TARS3: variants seen among roughly 807,000 people sequenced by gnomAD.
The protein encoded by TARS3 is threonyl-tRNA synthetase 3, also known as threonine--tRNA ligase 2, cytoplasmic.
A neutral mutation model predicts 103.5 loss-of-function variants in TARS3; 94 were observed. The ratio of observed to expected loss-of-function variants is 0.91; its 90% CI spans 0.77 to 1.08. The LOEUF is 1.08. TARS3 is among the 50% of genes least tolerant of loss of function. The pLI is 0.00. For missense variants in TARS3, 952 were observed against 995.2 expected, an observed-to-expected ratio of 0.96 and a Z score of 0.58; for synonymous variants, 416 against 355.4, an observed-to-expected ratio of 1.17 and a Z score of -1.92.
At chr15:101,678,430 T>C (rs1428059678) in intron 12 of TARS3, among the ~76,000 whole-genome samples, 3 of 152,228 alleles carry the variant, frequency 2.0e-5, no homozygotes, top group Admixed American at 6.5e-5. Context: ...TGTCTTCCTA[T>C]GGATTACTTT....
chr15:101,671,483 C>T lies in TARS3; in HGVS notation c.1967+3G>A, dbSNP rs1167610410. ...ATAATATTTATCACATTCAATCACT[C>T]ACCTAACATATGTGAGATTAAATCT... On this transcript the variant is annotated splice_donor_region_variant and intron_variant, in intron 15 of 18. Transcript: ENST00000335968. The T allele has an allele frequency of 2.5e-6, 4 of 1,592,718 alleles. No homozygotes were observed. The highest frequency in any genetic ancestry group is 2.6e-6 in the Non-Finnish European group (3 of 1,162,752).
intron 3 of TARS3, among the ~76,000 whole-genome samples, chr15:101,717,530 C>T (rs1215714438): frequency 6.6e-6 from 1 of 152,182 alleles, no homozygotes; most frequent in Non-Finnish European, 1.5e-5. Context: ...GGCCATGTGG[C>T]CAGGTTTGGA....
At chr15:101,694,219 G>A (rs552242408) in intron 10 of TARS3, among the ~76,000 whole-genome samples, 56 of 152,272 alleles carry the variant, frequency 3.7e-4, no homozygotes, top group Non-Finnish European at 7.8e-4. Context: ...CATTTTACCT[G>A]AGTCAAAAAC....
intron 10 of TARS3, among the ~76,000 whole-genome samples, chr15:101,690,217 TTTCC>T (rs1170513482): frequency 2.0e-5 from 3 of 152,216 alleles, no homozygotes; most frequent in Non-Finnish European, 2.9e-5. Flanking sequence ...CTTGGCCCAT[TTTCC>T]TTCCTTCTCT....
At position 101,685,961 on chromosome 15, in the gene TARS3, G is replaced by T. The variant is rs1898456525; in HGVS notation, c.1422C>A (p.Asn474Lys). The T allele has an allele frequency of 1.9e-6, 3 of 1,613,964 alleles. No individual in the cohort carries two copies. In the Admixed American group the frequency reaches 5.0e-5, roughly 27 times the overall value. Reference sequence around the variant, plus strand: ...CCTTTTCAATCTCAAAGGTAAACATGTTCTCGCTGTAATGCTGCCAGTGGC... The same window carrying T: ...CCTTTTCAATCTCAAAGGTAAACATTTTCTCGCTGTAATGCTGCCAGTGGC... Reference protein sequence around the residue: ...ASGHWQHYSENMFTFEIEKDT... With the variant: ...ASGHWQHYSEKMFTFEIEKDT... Residue 474 changes from asparagine to lysine, a missense_variant, in exon 11 of 19, where the codon AAC becomes AAA. By Grantham distance (94) the Asn-to-Lys change is moderately conservative. Transcript: ENST00000335968.
intron 3 of TARS3, among the ~76,000 whole-genome samples, chr15:101,717,360 G>A (rs1900207073): frequency 1.3e-5 from 2 of 152,308 alleles, no homozygotes; most frequent in Non-Finnish European, 2.9e-5. Context: ...TACATAATGT[G>A]TACATATGAT....
intron 11 of TARS3, among the ~76,000 whole-genome samples, chr15:101,684,960 GT>G (rs897316179): frequency 6.6e-6 from 1 of 152,164 alleles, no homozygotes; most frequent in Non-Finnish European, 1.5e-5. Context: ...TAACACAAGT[GT>G]TTTACAATGC....
At chr15:101,656,320 C>G (rs1897197376) in intron 18 of TARS3, among the ~76,000 whole-genome samples, 1 of 152,196 alleles carries the variant, frequency 6.6e-6, no homozygotes, top group South Asian at 2.1e-4. Flanking sequence ...TAGAACAATG[C>G]TATGCATATT....
At chr15:101,666,386 G>T (rs1466299759) in intron 15 of TARS3, among the ~76,000 whole-genome samples, 4 of 144,996 alleles carry the variant, frequency 2.8e-5, no homozygotes, top group African/African-American at 1.0e-4. Flanking sequence ...TGAGGCAGAA[G>T]AATTGCTTGA....
chr15:101,679,256 TATG>T (rs1271133323), intron 12 of TARS3, among the ~76,000 whole-genome samples: 2 of 152,202 alleles, frequency 1.3e-5, no homozygotes, highest in Non-Finnish European at 2.9e-5. Flanking sequence ...CTTCCAAAAT[TATG>T]ATGATATGAA....
At chr15:101,689,131 TA>T (rs1285698614) in intron 10 of TARS3, among the ~76,000 whole-genome samples, 1 of 152,188 alleles carries the variant, frequency 6.6e-6, no homozygotes, top group African/African-American at 2.4e-5. Flanking sequence ...AAGGACTTAC[TA>T]CCCTTGATCC....
chr15:101,699,445 A>G (rs781252307), intron 10 of TARS3: 6 of 455,934 alleles, frequency 1.3e-5, no homozygotes, highest in Non-Finnish European at 2.2e-5. Flanking sequence ...TCTATAAAAA[A>G]TAAGAGATCC....
At chr15:101,692,604 CTACT>C in intron 10 of TARS3, among the ~76,000 whole-genome samples, 1 of 147,348 alleles carries the variant, frequency 6.8e-6, no homozygotes, top group African/African-American at 2.5e-5. Context: ...TCTGGTATTA[CTACT>C]CCATCTCCTC....
chr15:101,687,920 G>T (rs1353381660), intron 10 of TARS3, among the ~76,000 whole-genome samples: 1 of 152,042 alleles, frequency 6.6e-6, no homozygotes, highest in Non-Finnish European at 1.5e-5. Flanking sequence ...GCCCTCACCA[G>T]AACCCAACCA....
chr15:101,724,134 A>T lies in TARS3; in HGVS notation c.254T>A (p.Leu85Gln). The T allele has an allele frequency of 7.0e-7, 1 of 1,438,820 alleles. No homozygotes were observed. Among genetic ancestry groups the T allele is most frequent in the Non-Finnish European group, 9.1e-7 (1 of 1,096,214 alleles). The allele number at this position is 1,438,820 out of a possible 1,614,324, so 89.1% of individuals were successfully genotyped here. ...CGCCGCCTCTAGCTCCGCGCTCTCC[A>T]GCGTGGCCTGGCGGCTCCGCTCCTC... ...LAEERSRQATLESAELEAAQE... is the reference protein window; with the variant it reads ...LAEERSRQATQESAELEAAQE... Residue 85 changes from leucine to glutamine, a missense_variant, in exon 1 of 19, where the codon CTG becomes CAG. This residue lies in a region of TARS3 where 412 missense variants were observed against 364.2 expected (regional missense o/e 1.13). Transcript: ENST00000335968.
In TARS3 at chr15:101,701,017, T is replaced by C. The variant is rs527841283; in HGVS notation, c.1320+69A>G. 1,186 of 1,068,838 alleles carry C rather than the reference T, an allele frequency of 1.1e-3. 2 individuals are homozygous for C. Among genetic ancestry groups the C allele is most frequent in the South Asian group, 2.3e-3 (138 of 59,056 alleles). The allele number at this position is 1,068,838 out of a possible 1,614,324, so 66.2% of individuals were successfully genotyped here. On this transcript the variant is annotated intron_variant, in intron 10 of 18. Coordinates refer to ENST00000335968, the MANE Select transcript of TARS3 (RefSeq NM_152334.3). ...TTAATGGAAACGCTTGACCACTTTA[T>C]TATGAGAGAAAATAGTAAAAATGTA...
chr15:101,684,312 T>C, intron 11 of TARS3, 75 bp from the exon 12 acceptor site: 2 of 1,349,288 alleles, frequency 1.5e-6, no homozygotes, highest in Non-Finnish European at 2.0e-6. Context: ...ATAAAGAAAT[T>C]ACAATTAAGC....
rs564572736 is a variant in TARS3, at chr15:101,671,203, G to A, written c.1967+283C>T. On this transcript the variant is annotated intron_variant, in intron 15 of 18. Coordinates refer to ENST00000335968, the MANE Select transcript of TARS3 (RefSeq NM_152334.3). ...CACAGACCCAATGCCAGCATTTTGT[G>A]AAGTCTTCCCCCTGTAACTCAGGGA... Among the ~76,000 whole-genome samples, 10 of 152,216 alleles carry A rather than the reference G, an allele frequency of 6.6e-5. No homozygotes were observed. The East Asian group carries it at 1.9e-3, about 29-fold the overall frequency.
chr15:101,700,093 G>A (rs1033345740), intron 10 of TARS3, among the ~76,000 whole-genome samples: 6 of 152,166 alleles, frequency 3.9e-5, no homozygotes, highest in African/African-American at 1.4e-4. Flanking sequence ...AAGGAGATTT[G>A]TAGTTTTTGA....
Sources: allele counts gnomAD v4.1 joint callset (sites outside exome capture counted in the v4.1 genomes callset), GRCh38; gene constraint gnomAD v4.1.1; regional missense constraint gnomAD v4.1.1; transcripts MANE v1.5; gene names NCBI Gene and HGNC (gene_info 2026-07-23, HGNC 2026-07-21).